The following EPB41L4A variants were observed in gnomAD, a reference collection of about 807,000 sequenced individuals.
The protein encoded by EPB41L4A is band 4.1-like protein 4A.
Under a neutral mutation model 108.6 loss-of-function variants are expected in EPB41L4A, and 100 were observed. That is an observed-to-expected ratio of 0.92 (90% CI 0.78 to 1.09). The LOEUF is 1.09. Among genes scored for constraint, EPB41L4A ranks in the 50% least tolerant of loss-of-function variants. The probability of loss-of-function intolerance (pLI) is 0.00; values close to 1 mark genes in which losing one functional copy is unlikely to be tolerated. For synonymous variants in EPB41L4A, 319 were observed against 289.0 expected (o/e 1.10, Z -1.05); for missense variants, 1,030 against 842.7 (o/e 1.22, Z -2.75).
chr5:112,216,842 TTAGAC>T (rs1212128838), intron 12 of EPB41L4A, among the ~76,000 whole-genome samples: 3 of 152,222 alleles, frequency 2.0e-5, no homozygotes, highest in African/African-American at 4.8e-5. Context: ...TTCACCAACT[TTAGAC>T]TAGGTACTAT....
intron 12 of EPB41L4A, among the ~76,000 whole-genome samples, chr5:112,221,105 A>G (rs1391250597): frequency 6.6e-6 from 1 of 152,168 alleles, no homozygotes; most frequent in African/African-American, 2.4e-5. Flanking sequence ...GAACCTAGTG[A>G]TAAGTGAGGA....
rs142478039 is a variant in EPB41L4A, at chr5:112,343,915, G to C, written c.100-36425C>G. Among the ~76,000 whole-genome samples, 894 of 152,252 alleles carry C rather than the reference G, an allele frequency of 5.9e-3. 1 individual carries two copies. The highest frequency in any genetic ancestry group is 9.7e-3 in the Non-Finnish European group (660 of 68,024). On this transcript the variant is annotated intron_variant, in intron 1 of 22. Transcript: ENST00000261486. Reference sequence around the variant, plus strand: ...TGTTAAAATTGACTGGATAAGCCAGGTATGGCGGAATGCACCTGAAGTCTC... The same window carrying C: ...TGTTAAAATTGACTGGATAAGCCAGCTATGGCGGAATGCACCTGAAGTCTC...
intron 14 of EPB41L4A, 137 bp from the exon 15 acceptor site, chr5:112,204,625 T>C (rs1441557224): frequency 2.0e-6 from 1 of 508,956 alleles, no homozygotes; most frequent in South Asian, 3.5e-5. Context: ...TTCTCTTTGC[T>C]GACAAGATTT....
Position 112,410,661 on chromosome 5 carries a change from A to C in EPB41L4A, c.99+8280T>G, listed in dbSNP as rs1762353223. 1.3e-5 allele frequency among the ~76,000 whole-genome samples: 2 copies of C among 152,176 alleles called. 1 individual carries two copies. The stretch of plus-strand genomic sequence containing the variant: ...CCCCATGTAGCCACTGGCCTCAGGG[A>C]AACTGACCCCACTCCCACCCAGCTT... On this transcript the variant is annotated intron_variant, in intron 1 of 22. Coordinates refer to ENST00000261486, the MANE Select transcript of EPB41L4A (RefSeq NM_022140.5).
intron 9 of EPB41L4A, among the ~76,000 whole-genome samples, chr5:112,246,038 G>A (rs949662309): frequency 6.6e-6 from 1 of 152,306 alleles, no homozygotes; most frequent in East Asian, 1.9e-4. Context: ...AATGAATTCA[G>A]AAAGTGTTTT....
In EPB41L4A at chr5:112,164,536, G is replaced by A. The variant is rs1195267878; in HGVS notation, c.*454C>T. Reference sequence around the variant, plus strand: ...CTTATTCTTCCAGTTAAAACAAAAAGGTCCTTCAGCACAACTGTGCTGTAG... The same window carrying A: ...CTTATTCTTCCAGTTAAAACAAAAAAGTCCTTCAGCACAACTGTGCTGTAG... On this transcript the variant is annotated 3_prime_UTR_variant, in exon 23 of 23. Coordinates refer to ENST00000261486, the MANE Select transcript of EPB41L4A (RefSeq NM_022140.5). 6.6e-6 allele frequency: 1 copy of A among 151,876 alleles called. No individual in the cohort carries two copies. Among genetic ancestry groups the A allele is most frequent in the Non-Finnish European group, 1.5e-5 (1 of 68,094 alleles). The allele number at this position is 151,876 out of a possible 1,614,324, so 9.4% of individuals were successfully genotyped here. A position where few individuals can be genotyped will look rare whatever the true frequency, so the allele number is the denominator to read the frequency against.
intron 11 of EPB41L4A, among the ~76,000 whole-genome samples, chr5:112,238,019 C>A (rs1445482120): frequency 1.3e-5 from 2 of 152,148 alleles, no homozygotes; most frequent in Non-Finnish European, 2.9e-5. Context: ...GTAGCCACAA[C>A]ATTTGCATTT....
rs1554071751 is a variant in EPB41L4A, at chr5:112,169,006, G to A, written c.1839C>T (p.Leu613=). 3 of 1,613,106 alleles carry A rather than the reference G, an allele frequency of 1.9e-6. No individual in the cohort carries two copies. The highest frequency in any genetic ancestry group is 2.2e-5 in the South Asian group (2 of 91,068). ...SQCSDGERSV[L]SEVNSKTDLV... is the part of the protein sequence containing the mutation. ...GCCTGCCCACTTACTTCACTTCCGA[G>A]AGAACTGATCGCTCCCCATCTGAAC... Residue 613 remains leucine (L), a synonymous_variant, in exon 21 of 23, where the codon CTC becomes CTT. Coordinates refer to ENST00000261486, the MANE Select transcript of EPB41L4A (RefSeq NM_022140.5).
chr5:112,212,399 T>A (rs778766007), intron 12 of EPB41L4A, among the ~76,000 whole-genome samples: 2 of 151,850 alleles, frequency 1.3e-5, no homozygotes, highest in Non-Finnish European at 2.9e-5. Flanking sequence ...TTCAAGCAAT[T>A]CTCCTGCCTC....
At chr5:112,404,317 G>A (rs1039994328) in intron 1 of EPB41L4A, among the ~76,000 whole-genome samples, 2 of 152,224 alleles carry the variant, frequency 1.3e-5, no homozygotes, top group Admixed American at 1.3e-4. Flanking sequence ...AATCTGTGAT[G>A]CAGATAGTGT....
chr5:112,393,222 G>C (rs570688028), intron 1 of EPB41L4A, among the ~76,000 whole-genome samples: 10 of 152,116 alleles, frequency 6.6e-5, no homozygotes, highest in African/African-American at 2.4e-4. Flanking sequence ...CTAGCAGAAA[G>C]CAAGAAATAA....
intron 2 of EPB41L4A, among the ~76,000 whole-genome samples, chr5:112,291,908 A>C (rs978059827): frequency 6.6e-6 from 1 of 152,226 alleles, no homozygotes; most frequent in African/African-American, 2.4e-5. Flanking sequence ...CCCAAAGAGA[A>C]GGTCATGGGA....
chr5:112,145,437 TG>T (rs1400227654), intron 13 of EPB41L4A, among the ~76,000 whole-genome samples: 1 of 152,228 alleles, frequency 6.6e-6, no homozygotes, highest in Non-Finnish European at 1.5e-5. Flanking sequence ...ATGGAGATTT[TG>T]TATTTTTATG....
In EPB41L4A at chr5:112,244,914, G is replaced by A. The variant is rs147462315; in HGVS notation, c.796-4104C>T. The stretch of plus-strand genomic sequence containing the variant: ...TCTACCTAATTCCTTCTTAGCTCCT[G>A]TATCATTATAACGTATGTAATAATA... On this transcript the variant is annotated intron_variant, in intron 9 of 22. Coordinates refer to ENST00000261486, the MANE Select transcript of EPB41L4A (RefSeq NM_022140.5). Among the ~76,000 whole-genome samples the A allele has an allele frequency of 2.2e-3, 333 of 152,146 alleles. 1 individual carries two copies. Among genetic ancestry groups the A allele is most frequent in the Middle Eastern group, 6.8e-3 (2 of 292 alleles).
intron 1 of EPB41L4A, among the ~76,000 whole-genome samples, chr5:112,357,573 CAAAAG>C (rs1213517508): frequency 6.6e-6 from 1 of 152,156 alleles, no homozygotes; most frequent in Non-Finnish European, 1.5e-5. Context: ...TGGTACCAAG[CAAAAG>C]TGGACTTCTA....
intron 1 of EPB41L4A, among the ~76,000 whole-genome samples, chr5:112,406,482 G>A (rs188682939): frequency 1.3e-4 from 20 of 152,196 alleles, no homozygotes; most frequent in Admixed American, 1.1e-3. Flanking sequence ...GAAATTCCAC[G>A]CAAGCCATCT....
intron 12 of EPB41L4A, among the ~76,000 whole-genome samples, chr5:112,151,763 T>C (rs936342539): frequency 2.6e-5 from 4 of 151,940 alleles, no homozygotes; most frequent in Admixed American, 1.3e-4. Flanking sequence ...AGAGTTTCTC[T>C]ATTGTTGCTC....
At chr5:112,182,187 T>A (rs1472915940) in intron 18 of EPB41L4A, among the ~76,000 whole-genome samples, 5 of 152,302 alleles carry the variant, frequency 3.3e-5, no homozygotes, top group African/African-American at 1.2e-4. Context: ...ATGGATAGGT[T>A]ATGGATACAT....
exon 14 of EPB41L4A, chr5:112,143,726 C>T: frequency 3.2e-6 from 1 of 314,200 alleles, no homozygotes; most frequent in Non-Finnish European, 6.6e-6. Context: ...CTATTGACTC[C>T]AATATAGAAA....
Sources: gnomAD v4.1 joint callset for allele counts (sites outside exome capture counted in the v4.1 genomes callset) on GRCh38, gnomAD v4.1.1 for gene constraint, MANE v1.5 for transcripts, NCBI Gene and HGNC (gene_info 2026-07-23, HGNC 2026-07-21) for gene names.